FAM114A2: variants seen among roughly 807,000 people sequenced by gnomAD.
FAM114A2 encodes family with sequence similarity 114 member A2.
FAM114A2 carries 53 observed loss-of-function variants against 58.4 expected under a neutral mutation model. The observed-to-expected ratio is 0.91, with a 90% CI of 0.73 to 1.14. The LOEUF (loss-of-function observed/expected upper bound fraction) is 1.14. FAM114A2 is among the 50% of genes most tolerant of loss of function. The pLI is 0.00. For missense variants in FAM114A2, 601 were observed against 581.1 expected, an observed-to-expected ratio of 1.03 and a Z score of -0.35; for synonymous variants, 228 against 211.4, an observed-to-expected ratio of 1.08 and a Z score of -0.68.
intron 8 of FAM114A2, among the ~76,000 whole-genome samples, chr5:154,019,866 C>G (rs1771288704): frequency 6.6e-6 from 1 of 152,080 alleles, no homozygotes; most frequent in Admixed American, 6.6e-5. Flanking sequence ...CAGCACCACA[C>G]TGCACTTATT....
chr5:154,017,523 C>G (rs553173397), intron 8 of FAM114A2, among the ~76,000 whole-genome samples: 2 of 152,300 alleles, frequency 1.3e-5, no homozygotes, highest in Admixed American at 1.3e-4. Context: ...CCACTGACAA[C>G]ACTTGACAGG....
At chr5:153,997,564 T>C (rs1401867986) in intron 12 of FAM114A2, among the ~76,000 whole-genome samples, 1 of 152,148 alleles carries the variant, frequency 6.6e-6, no homozygotes, top group Non-Finnish European at 1.5e-5. Flanking sequence ...AGAAAGCAGA[T>C]TCATGGTGCG....
chr5:154,007,680 T>C (rs1770443944), intron 9 of FAM114A2, among the ~76,000 whole-genome samples: 1 of 152,236 alleles, frequency 6.6e-6, no homozygotes, highest in Non-Finnish European at 1.5e-5. Flanking sequence ...TTCATGATTA[T>C]TTCCCTAGCA....
intron 8 of FAM114A2, among the ~76,000 whole-genome samples, chr5:154,015,496 G>C (rs747911391): frequency 6.6e-6 from 1 of 152,152 alleles, no homozygotes; most frequent in Non-Finnish European, 1.5e-5. Context: ...GAGACTTGCT[G>C]GGTGGCTAGA....
intron 9 of FAM114A2, among the ~76,000 whole-genome samples, chr5:154,003,918 T>C (rs1243644763): frequency 6.6e-6 from 1 of 152,202 alleles, no homozygotes; most frequent in Non-Finnish European, 1.5e-5. Context: ...ACATATATAA[T>C]GGTGGTCCTG....
At chr5:154,003,019 A>G in intron 9 of FAM114A2, 50 bp from the exon 10 acceptor site, 1 of 1,572,150 alleles carries the variant, frequency 6.4e-7, no homozygotes, top group Non-Finnish European at 8.7e-7. Context: ...GTTTACCAAA[A>G]TTACTGTGCA....
Position 154,033,787 on chromosome 5 carries a change from T to C in FAM114A2, c.403+4A>G. On this transcript the variant is annotated splice_donor_region_variant and intron_variant, in intron 4 of 13. Coordinates refer to ENST00000351797, the MANE Select transcript of FAM114A2 (RefSeq NM_018691.4). ...TCTAGGTCTTTATGTTTCCATATAC[T>C]GACCTGCTACATACTTGACTTCAGT... 1 of 1,521,022 alleles carries C rather than the reference T, an allele frequency of 6.6e-7. No homozygotes were observed. The highest frequency in any genetic ancestry group is 9.1e-7 in the Non-Finnish European group (1 of 1,099,286). The allele number at this position is 1,521,022 out of a possible 1,614,324, so 94.2% of individuals were successfully genotyped here. A position where few individuals can be genotyped will look rare whatever the true frequency, so the allele number is the denominator to read the frequency against.
chr5:154,013,973 G>A (rs769101224), intron 8 of FAM114A2, among the ~76,000 whole-genome samples: 2 of 152,152 alleles, frequency 1.3e-5, no homozygotes, highest in Non-Finnish European at 2.9e-5. Flanking sequence ...TTACAGGTTA[G>A]GAAACAGAAG....
At chr5:154,011,723 T>C (rs1224821201) in intron 8 of FAM114A2, among the ~76,000 whole-genome samples, 1 of 152,108 alleles carries the variant, frequency 6.6e-6, no homozygotes, top group Non-Finnish European at 1.5e-5. Flanking sequence ...ACTAAGCAAG[T>C]ACTGTACATG....
At chr5:154,020,196 G>A (rs1025826407) in intron 8 of FAM114A2, among the ~76,000 whole-genome samples, 1 of 152,098 alleles carries the variant, frequency 6.6e-6, no homozygotes, top group Non-Finnish European at 1.5e-5. Flanking sequence ...AGAGAAAGCA[G>A]GAAAGATCTA....
In FAM114A2 at chr5:154,027,321, G is replaced by A. The variant is rs189017746; in HGVS notation, c.644C>T (p.Ala215Val). The A allele has an allele frequency of 3.5e-5, 57 of 1,610,504 alleles. No homozygotes were observed. The highest frequency in any genetic ancestry group is 2.7e-4 in the African/African-American group (20 of 74,652). ...NATLSQVLRE[A>V]KEKEEIRTSN... ...GGTCCGTATCTCTTCTTTCTCCTTC[G>A]CCTCTCGTAAAACCTAAAAAGAGAT... is the stretch of plus-strand genomic sequence containing the variant. The change falls in exon 7 of 14, where the codon GCG becomes GTG. Residue 215 changes from alanine to valine, a missense_variant. Coordinates refer to ENST00000351797, the MANE Select transcript of FAM114A2 (RefSeq NM_018691.4).
intron 12 of FAM114A2, among the ~76,000 whole-genome samples, chr5:153,997,007 A>AG (rs1228699948): frequency 6.6e-6 from 1 of 151,558 alleles, no homozygotes; most frequent in Admixed American, 6.6e-5. Context: ...AAAAAAAAAA[A>AG]AAAGAAAGAA....
At chr5:154,018,259 T>C (rs1771175829) in intron 8 of FAM114A2, among the ~76,000 whole-genome samples, 1 of 152,016 alleles carries the variant, frequency 6.6e-6, no homozygotes. Context: ...ATACAAAAGA[T>C]CATTCATGGC....
intron 5 of FAM114A2, among the ~76,000 whole-genome samples, chr5:154,028,951 G>A (rs528172549): frequency 4.6e-5 from 7 of 152,112 alleles, no homozygotes; most frequent in African/African-American, 1.4e-4. Context: ...GTTTCACACT[G>A]AAAATTCAAA....
chr5:153,999,192 T>C (rs1027554493), intron 11 of FAM114A2, among the ~76,000 whole-genome samples: 14 of 151,986 alleles, frequency 9.2e-5, no homozygotes, highest in Non-Finnish European at 1.9e-4. Flanking sequence ...AGGACATGAA[T>C]AGACATTTCT....
chr5:154,012,567 T>C lies in FAM114A2; in HGVS notation c.914-1247A>G, dbSNP rs546943442. On this transcript the variant is annotated intron_variant, in intron 8 of 13. Transcript: ENST00000351797. Reference sequence around the variant, plus strand: ...TTCATACTCAGCATCTTCCCTAATATTCCCAGGAATAAAACAGTGTATCTT... The same window carrying C: ...TTCATACTCAGCATCTTCCCTAATACTCCCAGGAATAAAACAGTGTATCTT... Among the ~76,000 whole-genome samples, 4 of 152,306 alleles carry C rather than the reference T, an allele frequency of 2.6e-5. No homozygotes were observed. The East Asian group carries it at 7.7e-4, about 29-fold the overall frequency.
At position 153,990,351 on chromosome 5, in the gene FAM114A2, G is replaced by C. The variant is rs1769206865; in HGVS notation, c.*2625C>G. ...CAAAAGAAAGCATCCTTTTTCAGCA[G>C]TAGGAACCCACAAGATCTTGTTCTT... On this transcript the variant is annotated 3_prime_UTR_variant, in exon 14 of 14. Transcript: ENST00000351797. 1 of 152,060 alleles carries C rather than the reference G, an allele frequency of 6.6e-6. No homozygotes were observed. The highest frequency in any genetic ancestry group is 2.1e-4 in the South Asian group (1 of 4,824). The allele number at this position is 152,060 out of a possible 1,614,324, so 9.4% of individuals were successfully genotyped here. A position where few individuals can be genotyped will look rare whatever the true frequency, so the allele number is the denominator to read the frequency against.
rs182809551 is a variant in FAM114A2, at chr5:154,034,295, G to C, written c.293C>G (p.Ala98Gly). The C allele has an allele frequency of 1.4e-5, 22 of 1,587,242 alleles. No homozygotes were observed. In the Admixed American group the frequency reaches 3.4e-4, roughly 25 times the overall value. The change falls in exon 3 of 14, where the codon GCT becomes GGT. Residue 98 changes from alanine to glycine, a missense_variant. By Grantham distance (60) the Ala-to-Gly change is moderately conservative. Transcript: ENST00000351797. ...WGKSILSSAS[A>G]TVATVGQGIS... ...GATCTTACCTACTGTAGCTACTGTA[G>C]CCGAGGCTGAGGAGAGTATGGACTT...
At chr5:154,036,607 T>A (rs1319077814) in intron 1 of FAM114A2, 1 of 152,152 alleles carries the variant, frequency 6.6e-6, no homozygotes. Flanking sequence ...AGGTGCTGCA[T>A]TCAGTCCAAC....
Sources: gnomAD v4.1 joint callset for allele counts (sites outside exome capture counted in the v4.1 genomes callset) on GRCh38, gnomAD v4.1.1 for gene constraint, MANE v1.5 for transcripts, NCBI Gene and HGNC (gene_info 2026-07-23, HGNC 2026-07-21) for gene names.